The following GPAT4 variants were observed in gnomAD, a reference collection of about 807,000 sequenced individuals.
GPAT4 encodes 1-AGP acyltransferase 6.
GPAT4 carries 17 observed loss-of-function variants against 58.0 expected under a neutral mutation model. The ratio of observed to expected loss-of-function variants is 0.29; its 90% confidence interval spans 0.20 to 0.44. GPAT4 has a LOEUF of 0.44. GPAT4 is among the 20% of genes least tolerant of loss of function. The pLI is 1.00. For synonymous variants in GPAT4, 204 were observed against 210.1 expected (o/e 0.97, Z 0.25); for missense variants, 377 against 574.5 (o/e 0.66, Z 3.51).
At chr8:41,591,655 C>G (rs545703440) in intron 1 of GPAT4, among the ~76,000 whole-genome samples, 2 of 152,160 alleles carry the variant, frequency 1.3e-5, no homozygotes, top group African/African-American at 4.8e-5. Context: ...TATTGTAACT[C>G]CTATTATAAG....
At chr8:41,596,001 G>C (rs1802921965) in intron 1 of GPAT4, among the ~76,000 whole-genome samples, 1 of 152,172 alleles carries the variant, frequency 6.6e-6, no homozygotes, top group African/African-American at 2.4e-5. Flanking sequence ...CTGGCTTTCA[G>C]GTTACCTTGT....
Position 41,598,953 on chromosome 8 carries a change from T to G in GPAT4, c.-187T>G. 7 of 716,248 alleles carry G rather than the reference T, an allele frequency of 9.8e-6. No homozygotes were observed. Among genetic ancestry groups the G allele is most frequent in the Non-Finnish European group, 1.1e-5 (5 of 446,086 alleles). 44.4% of individuals were successfully genotyped at this position (716,248 alleles called of 1,614,324 possible). On this transcript the variant is annotated 5_prime_UTR_variant, in exon 2 of 13. Transcript: ENST00000396987. Reference sequence around the variant, plus strand: ...CGTTTGCAGTTGCCTCCTGTGGCCGTGTTTTTCTGTCATTCTGTTCCCAGG... The same window carrying G: ...CGTTTGCAGTTGCCTCCTGTGGCCGGGTTTTTCTGTCATTCTGTTCCCAGG...
intron 9 of GPAT4, 113 bp downstream of exon 9, chr8:41,614,554 T>C: frequency 2.8e-6 from 3 of 1,067,230 alleles, no homozygotes; most frequent in East Asian, 2.4e-5. Flanking sequence ...CTGTTTTCAC[T>C]GAATAATGTT....
chr8:41,589,993 C>T (rs1433176836), intron 1 of GPAT4, among the ~76,000 whole-genome samples: 2 of 152,178 alleles, frequency 1.3e-5, no homozygotes, highest in African/African-American at 4.8e-5. Context: ...CTGGCATGTA[C>T]GAGCGTTTAT....
chr8:41,617,779 C>T (rs995629876), intron 10 of GPAT4, among the ~76,000 whole-genome samples: 25 of 152,318 alleles, frequency 1.6e-4, no homozygotes, highest in African/African-American at 5.8e-4. Flanking sequence ...TTTATTTTTC[C>T]ACTCTGGTCC....
intron 1 of GPAT4, among the ~76,000 whole-genome samples, chr8:41,581,992 G>GTTT (rs1802524955): frequency 1.3e-5 from 1 of 78,746 alleles, no homozygotes; most frequent in Non-Finnish European, 2.4e-5. Context: ...GAAGTTCAAT[G>GTTT]ATTTTTTTTT....
At chr8:41,587,469 A>G (rs1046821626) in intron 1 of GPAT4, among the ~76,000 whole-genome samples, 1 of 152,224 alleles carries the variant, frequency 6.6e-6, no homozygotes, top group African/African-American at 2.4e-5. Context: ...GATATTACAG[A>G]CAATGCCGCA....
intron 7 of GPAT4, 101 bp downstream of exon 7, chr8:41,612,374 T>A: frequency 8.6e-7 from 1 of 1,162,946 alleles, no homozygotes; most frequent in South Asian, 1.4e-5. Flanking sequence ...CATTTATGCG[T>A]GGGCCAGGCC....
intron 2 of GPAT4, among the ~76,000 whole-genome samples, chr8:41,605,954 C>T (rs973977384): frequency 6.6e-6 from 1 of 152,140 alleles, no homozygotes; most frequent in African/African-American, 2.4e-5. Context: ...GGAAGCAATT[C>T]AATAGGGAAT....
chr8:41,594,123 T>C (rs2150488056), intron 1 of GPAT4, among the ~76,000 whole-genome samples: 1 of 152,360 alleles, frequency 6.6e-6, no homozygotes, highest in South Asian at 2.1e-4. Flanking sequence ...TTTAACCTTT[T>C]ATAATTTTTT....
intron 1 of GPAT4, among the ~76,000 whole-genome samples, chr8:41,582,444 T>TACACACACACACACACAC (rs71548104): frequency 1.4e-5 from 2 of 141,614 alleles, no homozygotes; most frequent in Non-Finnish European, 3.1e-5. Context: ...TGGGAAAGTA[T>TACACACACACACACACAC]ACACACACAC....
chr8:41,587,770 A>G (rs1410873015), intron 1 of GPAT4, among the ~76,000 whole-genome samples: 2 of 152,236 alleles, frequency 1.3e-5, no homozygotes, highest in South Asian at 2.1e-4. Flanking sequence ...ATTTATCCTT[A>G]GGATACATTT....
Position 41,609,940 on chromosome 8 carries a change from T to C in GPAT4, c.521T>C (p.Phe174Ser), listed in dbSNP as rs1803393000. 1.2e-6 allele frequency: 2 copies of C among 1,606,662 alleles called. No individual in the cohort carries two copies. The highest frequency in any genetic ancestry group is 1.7e-5 in the Admixed American group (1 of 59,646). ...TTAGGAGTGCTGATTCGGTACTGCT[T>C]TCTGCTGCCGCTCAGGTGAGGCAGG... ...WGLGVLIRYC[F>S]LLPLRIALAF... is the part of the protein sequence containing the mutation. Residue 174 changes from phenylalanine (F) to serine (S), a missense_variant, in exon 4 of 13, where the codon TTT (phenylalanine) becomes TCT (serine). Physicochemically the swap from Phe to Ser is radical, Grantham distance 155. Transcript: ENST00000396987.
intron 1 of GPAT4, among the ~76,000 whole-genome samples, chr8:41,590,366 G>C (rs1213303479): frequency 1.3e-5 from 2 of 152,234 alleles, no homozygotes; most frequent in South Asian, 2.1e-4. Context: ...TTACAGGCAT[G>C]AGCCACTGTG....
At chr8:41,617,051 A>G (rs1339507439) in intron 10 of GPAT4, among the ~76,000 whole-genome samples, 1 of 152,210 alleles carries the variant, frequency 6.6e-6, no homozygotes, top group Non-Finnish European at 1.5e-5. Context: ...ATTTCTGTCC[A>G]TATCAGGCTT....
At chr8:41,602,303 A>G (rs1803125803) in intron 2 of GPAT4, among the ~76,000 whole-genome samples, 1 of 152,126 alleles carries the variant, frequency 6.6e-6, no homozygotes, top group South Asian at 2.1e-4. Flanking sequence ...GCATATGTAT[A>G]TTTGTGACCT....
intron 2 of GPAT4, among the ~76,000 whole-genome samples, chr8:41,600,031 C>CTTT (rs1563273268): frequency 5.3e-5 from 4 of 75,446 alleles, no homozygotes; most frequent in African/African-American, 2.2e-4. Flanking sequence ...TTATCTTTTT[C>CTTT]TTTTCTTTTT....
At chr8:41,601,826 G>C (rs541564459) in intron 2 of GPAT4, among the ~76,000 whole-genome samples, 1 of 152,330 alleles carries the variant, frequency 6.6e-6, no homozygotes, top group African/African-American at 2.4e-5. Flanking sequence ...GACTTTTAAT[G>C]TAGATTATGA....
chr8:41,581,625 CTT>C (rs567790530), intron 1 of GPAT4, among the ~76,000 whole-genome samples: 287 of 110,550 alleles, frequency 2.6e-3, no homozygotes, highest in African/African-American at 7.1e-3. Flanking sequence ...CCTTTGTTGA[CTT>C]TTTTTTTTTT....
Sources: gnomAD v4.1 joint callset for allele counts (sites outside exome capture counted in the v4.1 genomes callset) on GRCh38, gnomAD v4.1.1 for gene constraint, MANE v1.5 for transcripts, NCBI Gene and HGNC (gene_info 2026-07-23, HGNC 2026-07-21) for gene names.